Variants in LHFPL6 observed in about 807,000 individuals in gnomAD.
LHFPL6 encodes the protein LHFPL tetraspan subfamily member 6.
In LHFPL6, 9 loss-of-function variants were observed where a neutral mutation model predicts 20.6. That is an observed-to-expected ratio of 0.44 (90% CI 0.26 to 0.76). The LOEUF is 0.76. Ranked by LOEUF, LHFPL6 falls within the 30% of genes least tolerant of loss-of-function variation. The pLI is 0.20. For synonymous variants in LHFPL6, 105 were observed against 98.7 expected (o/e 1.06, Z -0.38); for missense variants, 218 against 253.5 (o/e 0.86, Z 0.95).
At chr13:39,377,024 G>A (rs1038187403) in intron 3 of LHFPL6, among the ~76,000 whole-genome samples, 6 of 152,028 alleles carry the variant, frequency 3.9e-5, no homozygotes, top group South Asian at 2.1e-4. Flanking sequence ...AGATCATAAA[G>A]CCACCACTGG....
intron 2 of LHFPL6, among the ~76,000 whole-genome samples, chr13:39,455,218 C>A (rs1424694653): frequency 6.6e-6 from 1 of 152,088 alleles, no homozygotes; most frequent in African/African-American, 2.4e-5. Context: ...AATCATTTAA[C>A]AAAATGTTCT....
At chr13:39,361,832 G>T (rs1277777878) in intron 3 of LHFPL6, among the ~76,000 whole-genome samples, 1 of 152,098 alleles carries the variant, frequency 6.6e-6, no homozygotes, top group African/African-American at 2.4e-5. Context: ...TTTGGTAATT[G>T]CATTGCCAGA....
chr13:39,403,077 T>A (rs1294283225), intron 2 of LHFPL6, among the ~76,000 whole-genome samples: 1 of 152,206 alleles, frequency 6.6e-6, no homozygotes, highest in East Asian at 1.9e-4. Flanking sequence ...AACAAGATAA[T>A]TTAATACTTG....
At chr13:39,519,053 T>C (rs181201677) in intron 2 of LHFPL6, among the ~76,000 whole-genome samples, 2 of 152,240 alleles carry the variant, frequency 1.3e-5, no homozygotes, top group East Asian at 1.9e-4. Context: ...CTGGCCAGCA[T>C]GGCAAAACCT....
intron 2 of LHFPL6, among the ~76,000 whole-genome samples, chr13:39,595,535 G>C (rs1476272822): frequency 6.6e-6 from 1 of 152,078 alleles, no homozygotes; most frequent in South Asian, 2.1e-4. Context: ...TCAGGTGATC[G>C]GCCTGCCTTG....
At chr13:39,445,557 C>A (rs1872264542) in intron 2 of LHFPL6, among the ~76,000 whole-genome samples, 1 of 152,132 alleles carries the variant, frequency 6.6e-6, no homozygotes, top group Non-Finnish European at 1.5e-5. Flanking sequence ...AATCCCTGCC[C>A]AGGAAGGGTA....
At chr13:39,465,462 A>T (rs1408024295) in intron 2 of LHFPL6, among the ~76,000 whole-genome samples, 1 of 152,094 alleles carries the variant, frequency 6.6e-6, no homozygotes, top group African/African-American at 2.4e-5. Context: ...CAGACATTTC[A>T]AATTATGACT....
At chr13:39,564,344 A>C (rs1322879660) in intron 2 of LHFPL6, among the ~76,000 whole-genome samples, 1 of 152,210 alleles carries the variant, frequency 6.6e-6, no homozygotes, top group African/African-American at 2.4e-5. Context: ...TAGAGGCAAT[A>C]AAGAATAAAA....
intron 2 of LHFPL6, among the ~76,000 whole-genome samples, chr13:39,569,168 T>G (rs112218131): frequency 5.0e-5 from 7 of 139,164 alleles, no homozygotes; most frequent in African/African-American, 2.1e-4. Context: ...GATGGATGGA[T>G]GGATGGATGG....
chr13:39,530,132 A>G (rs778934093), intron 2 of LHFPL6, among the ~76,000 whole-genome samples: 1 of 152,028 alleles, frequency 6.6e-6, no homozygotes, highest in Non-Finnish European at 1.5e-5. Context: ...GAAGAGAGTA[A>G]CTAGCTGGGT....
chr13:39,471,715 T>A (rs1416778354), intron 2 of LHFPL6, among the ~76,000 whole-genome samples: 1 of 152,232 alleles, frequency 6.6e-6, no homozygotes, highest in Non-Finnish European at 1.5e-5. Context: ...ATCATGTGTA[T>A]CATTAGAGAC....
intron 3 of LHFPL6, among the ~76,000 whole-genome samples, chr13:39,354,947 A>C (rs975280987): frequency 7.2e-5 from 11 of 151,758 alleles, no homozygotes; most frequent in African/African-American, 2.7e-4. Context: ...ATTTCTGAGA[A>C]AGAAGGAGAG....
chr13:39,406,214 C>T (rs1871109600), intron 2 of LHFPL6, among the ~76,000 whole-genome samples: 1 of 151,974 alleles, frequency 6.6e-6, no homozygotes, highest in Non-Finnish European at 1.5e-5. Flanking sequence ...TTATGTAATA[C>T]AATACACCAT....
chr13:39,586,171 GTA>G (rs57237715), intron 2 of LHFPL6, among the ~76,000 whole-genome samples: 129,365 of 151,018 alleles, frequency 0.86, 55,499 homozygotes, highest in East Asian at 0.94. Flanking sequence ...ATTATTGTGT[GTA>G]TATATATATA....
rs79172189 is a variant in LHFPL6, at chr13:39,386,523, G to A, written c.386-7997C>T. Among the ~76,000 whole-genome samples, 1,055 of 152,290 alleles carry A rather than the reference G, an allele frequency of 6.9e-3. 15 individuals are homozygous for A. The highest frequency in any genetic ancestry group is 0.024 in the African/African-American group (1,017 of 41,564). On this transcript the variant is annotated intron_variant, in intron 2 of 3. Transcript: ENST00000379589. ...CGGGCCTCCTGGATCCTAGGCCAGAGCTCTTTTTCCACCTATCATGATCTC... is the reference window on the plus strand; with the variant it reads ...CGGGCCTCCTGGATCCTAGGCCAGAACTCTTTTTCCACCTATCATGATCTC...
At chr13:39,496,810 G>GC (rs747926665) in intron 2 of LHFPL6, among the ~76,000 whole-genome samples, 4 of 152,284 alleles carry the variant, frequency 2.6e-5, no homozygotes, top group Non-Finnish European at 4.4e-5. Context: ...GGTGCCAGAG[G>GC]CATTTCCAAT....
At chr13:39,376,883 G>C (rs78270438) in intron 3 of LHFPL6, among the ~76,000 whole-genome samples, 3,325 of 152,198 alleles carry the variant, frequency 0.022, 146 homozygotes, top group African/African-American at 0.075. Flanking sequence ...ACATGCTACC[G>C]TAAAATGCAG....
At chr13:39,374,014 C>T (rs1870223551) in intron 3 of LHFPL6, among the ~76,000 whole-genome samples, 1 of 152,090 alleles carries the variant, frequency 6.6e-6, no homozygotes, top group South Asian at 2.1e-4. Context: ...CCCAGCAATC[C>T]CATTACTGGA....
At chr13:39,430,024 T>C (rs73460941) in intron 2 of LHFPL6, among the ~76,000 whole-genome samples, 4,295 of 152,314 alleles carry the variant, frequency 0.028, 177 homozygotes, top group African/African-American at 0.091. Flanking sequence ...ACTTCATAAC[T>C]TAATAATGCC....
Sources: allele counts gnomAD v4.1 joint callset (sites outside exome capture counted in the v4.1 genomes callset), GRCh38; gene constraint gnomAD v4.1.1; transcripts MANE v1.5; gene names NCBI Gene and HGNC (gene_info 2026-07-23, HGNC 2026-07-21).